Variants in GLYATL3 observed in about 807,000 individuals in gnomAD.
GLYATL3 encodes the protein glycine-N-acyltransferase like 3, also known as glycine N-acyltransferase-like protein 3.
Under a neutral mutation model 28.5 loss-of-function variants are expected in GLYATL3, and 31 were observed. The observed-to-expected ratio is 1.09, with a 90% CI of 0.82 to 1.47. The LOEUF (loss-of-function observed/expected upper bound fraction) is 1.47. GLYATL3 is among the 40% of genes most tolerant of loss of function. The pLI is 0.00. For synonymous variants in GLYATL3, 141 were observed against 140.2 expected, an observed-to-expected ratio of 1.01 and a Z score of -0.04; for missense variants, 369 against 351.5, an observed-to-expected ratio of 1.05 and a Z score of -0.40.
In GLYATL3 at chr6:49,527,016, A is replaced by C; in HGVS notation, c.*102A>C. 1 of 881,610 alleles carries C rather than the reference A, an allele frequency of 1.1e-6. No homozygotes were observed. 54.6% of individuals were successfully genotyped at this position (881,610 alleles called of 1,614,324 possible). On this transcript the variant is annotated 3_prime_UTR_variant, in exon 6 of 6. Coordinates refer to ENST00000371197, the MANE Select transcript of GLYATL3 (RefSeq NM_001010904.2). ...TAAAATGGGAATCAGGGGACTCTTG[A>C]GTTGTTGGAAAGGGTCTGGAGAATA... is the stretch of plus-strand genomic sequence containing the variant.
At chr6:49,511,930 A>G in intron 1 of GLYATL3, 33 bp from the exon 2 acceptor site, 1 of 828,798 alleles carries the variant, frequency 1.2e-6, no homozygotes, top group Non-Finnish European at 1.9e-6. Flanking sequence ...TAACAGGCAA[A>G]AATTAAATGC....
rs1048164219 is a variant in GLYATL3 at position 49,506,600 on chromosome 6, C to A, written c.-28-5363C>A. Among the ~76,000 whole-genome samples the A allele has an allele frequency of 3.9e-5, 6 of 152,112 alleles. No homozygotes were observed. The East Asian group carries it at 5.8e-4, about 15-fold the overall frequency. ...GGGGAGGGCATACCAGATTGTAATG[C>A]CCCCATAGGTTTAATAACTGCATTA... On this transcript the variant is annotated intron_variant, in intron 1 of 5. Coordinates refer to ENST00000371197, the MANE Select transcript of GLYATL3 (RefSeq NM_001010904.2).
chr6:49,515,912 T>TTCCC (rs372174662), intron 3 of GLYATL3, among the ~76,000 whole-genome samples, 152 bp downstream of exon 3: 36 of 149,192 alleles, frequency 2.4e-4, no homozygotes, highest in African/African-American at 8.4e-4. Flanking sequence ...CCTTCTTTCC[T>TTCCC]TCCCTCCCTC....
In GLYATL3 at chr6:49,526,940, A is replaced by T; in HGVS notation, c.*26A>T. ...CCCAGTAAAAAACTGCAGTGGTTTT[A>T]TTACTTTCCCTGAGCATACACACAC... On this transcript the variant is annotated 3_prime_UTR_variant, in exon 6 of 6. Coordinates refer to ENST00000371197, the MANE Select transcript of GLYATL3 (RefSeq NM_001010904.2). The T allele has an allele frequency of 6.9e-7, 1 of 1,454,616 alleles. No individual in the cohort carries two copies. The highest frequency in any genetic ancestry group is 1.4e-5 in the South Asian group (1 of 71,622). 90.1% of individuals were successfully genotyped at this position (1,454,616 alleles called of 1,614,324 possible).
chr6:49,514,820 G>A (rs894653335), intron 2 of GLYATL3, among the ~76,000 whole-genome samples: 1 of 152,056 alleles, frequency 6.6e-6, no homozygotes, highest in Admixed American at 6.6e-5. Context: ...GTGACAGAGC[G>A]AGACTGAGGA....
chr6:49,503,183 G>A (rs558620506), intron 1 of GLYATL3, among the ~76,000 whole-genome samples: 149 of 152,256 alleles, frequency 9.8e-4, no homozygotes, highest in Non-Finnish European at 1.8e-3. Flanking sequence ...GGGGATATAA[G>A]TCCTCATCAT....
intron 1 of GLYATL3, among the ~76,000 whole-genome samples, chr6:49,505,945 A>C (rs914673984): frequency 6.6e-6 from 1 of 152,238 alleles, no homozygotes; most frequent in Non-Finnish European, 1.5e-5. Context: ...TCGTTGTTCT[A>C]CAAAAGACAA....
At chr6:49,514,197 G>T (rs1271463393) in intron 2 of GLYATL3, among the ~76,000 whole-genome samples, 1 of 152,038 alleles carries the variant, frequency 6.6e-6, no homozygotes, top group Non-Finnish European at 1.5e-5. Context: ...ACCTCTCCCT[G>T]TTCCCTAAAA....
chr6:49,500,877 C>T (rs1272451866), intron 1 of GLYATL3, among the ~76,000 whole-genome samples: 1 of 152,140 alleles, frequency 6.6e-6, no homozygotes, highest in Non-Finnish European at 1.5e-5. Flanking sequence ...AGAATTTCTG[C>T]TCTACCTTGT....
At chr6:49,511,716 T>G (rs1473952298) in intron 1 of GLYATL3, among the ~76,000 whole-genome samples, 1 of 152,186 alleles carries the variant, frequency 6.6e-6, no homozygotes, top group Non-Finnish European at 1.5e-5. Context: ...TAGAGTACAA[T>G]CAATGTATAT....
chr6:49,511,161 AT>A (rs1232910635), intron 1 of GLYATL3, among the ~76,000 whole-genome samples: 1 of 151,902 alleles, frequency 6.6e-6, no homozygotes, highest in African/African-American at 2.4e-5. Flanking sequence ...TGTAGGAAAT[AT>A]TTTTTTTCTT....
At chr6:49,511,307 C>T (rs1769118418) in intron 1 of GLYATL3, among the ~76,000 whole-genome samples, 1 of 152,130 alleles carries the variant, frequency 6.6e-6, no homozygotes, top group South Asian at 2.1e-4. Context: ...CATTTAGGCC[C>T]TTCTTTTTTC....
intron 1 of GLYATL3, among the ~76,000 whole-genome samples, chr6:49,505,642 C>T (rs746969546): frequency 6.6e-6 from 1 of 152,154 alleles, no homozygotes; most frequent in Non-Finnish European, 1.5e-5. Context: ...ATTAGTCTGC[C>T]AGCACAAAGA....
chr6:49,516,959 C>T (rs1402732693), intron 3 of GLYATL3, among the ~76,000 whole-genome samples: 2 of 151,410 alleles, frequency 1.3e-5, no homozygotes, highest in Non-Finnish European at 2.9e-5. Context: ...AGATCAAGAC[C>T]ATCCTGGCCA....
chr6:49,517,744 A>T lies in GLYATL3; in HGVS notation c.313+188A>T, dbSNP rs1013892904. On this transcript the variant is annotated intron_variant, in intron 4 of 5. Transcript: ENST00000371197. ...ATATTCTAGTGTTGTAAGAACACTCATTTGTCACTTCTAATGAGGCATGCA... is the reference window on the plus strand; with the variant it reads ...ATATTCTAGTGTTGTAAGAACACTCTTTTGTCACTTCTAATGAGGCATGCA... 3.3e-5 allele frequency among the ~76,000 whole-genome samples: 5 copies of T among 152,296 alleles called. No homozygotes were observed. The South Asian group carries it at 1.0e-3, about 32-fold the overall frequency.
chr6:49,527,851 C>G lies in GLYATL3; in HGVS notation c.*937C>G, dbSNP rs2127242783. On this transcript the variant is annotated 3_prime_UTR_variant, in exon 6 of 6. Transcript: ENST00000371197. ...TTTCTTTTATATGTATAGGTATATACTCATAGAATTTTGATAAGATAATAA... is the reference window on the plus strand; with the variant it reads ...TTTCTTTTATATGTATAGGTATATAGTCATAGAATTTTGATAAGATAATAA... Among the ~76,000 whole-genome samples, 1 of 152,034 alleles carries G rather than the reference C, an allele frequency of 6.6e-6. No individual in the cohort carries two copies. Among genetic ancestry groups the G allele is most frequent in the East Asian group, 1.9e-4 (1 of 5,172 alleles).
chr6:49,508,964 G>T (rs367719733), intron 1 of GLYATL3, among the ~76,000 whole-genome samples: 1 of 151,424 alleles, frequency 6.6e-6, no homozygotes, highest in African/African-American at 2.4e-5. Flanking sequence ...GCAACAGAGC[G>T]AGACTGTGTC....
intron 4 of GLYATL3, among the ~76,000 whole-genome samples, chr6:49,518,973 G>A (rs932289633): frequency 2.0e-5 from 3 of 151,938 alleles, no homozygotes; most frequent in African/African-American, 2.4e-5. Flanking sequence ...TCGTAAATGC[G>A]CAAAAAGACC....
At position 49,521,727 on chromosome 6, in the gene GLYATL3, T is replaced by G. The variant is rs1237514473; in HGVS notation, c.396T>G (p.Ala132=). ...ATATAAAGCTAACTTCCTTCAAGGC[T>G]GTTCATTTTTCTCCTGTTTCATCTC... The part of the protein sequence containing the change: ...QLNIKLTSFK[A]VHFSPVSSLP... The change falls in exon 5 of 6, where the codon GCT becomes GCG. Residue 132 remains alanine (A), a synonymous_variant. Transcript: ENST00000371197. 1.3e-6 allele frequency: 2 copies of G among 1,551,336 alleles called. No homozygotes were observed. Among genetic ancestry groups the G allele is most frequent in the Non-Finnish European group, 8.7e-7 (1 of 1,146,796 alleles).
Sources: allele counts gnomAD v4.1 joint callset (sites outside exome capture counted in the v4.1 genomes callset), GRCh38; gene constraint gnomAD v4.1.1; transcripts MANE v1.5; gene names NCBI Gene and HGNC (gene_info 2026-07-23, HGNC 2026-07-21).